Variants in IL1RN observed in about 807,000 individuals in gnomAD.
IL1RN encodes interleukin-1 receptor antagonist protein.
In IL1RN, 10 loss-of-function variants were observed where a neutral mutation model predicts 13.7. The observed-to-expected ratio is 0.73, with a 90% CI of 0.45 to 1.24. IL1RN has a LOEUF of 1.24. Ranked by LOEUF, IL1RN falls within the 50% of genes most tolerant of loss-of-function variation. The pLI, the probability that IL1RN is intolerant of heterozygous loss-of-function variation, is 0.00. For synonymous variants in IL1RN, 102 were observed against 82.7 expected (o/e 1.23, Z -1.27); for missense variants, 213 against 222.1 (o/e 0.96, Z 0.26).
chr2:113,131,424 G>A (rs1277068818), intron 3 of IL1RN, among the ~76,000 whole-genome samples: 1 of 152,142 alleles, frequency 6.6e-6, no homozygotes, highest in Non-Finnish European at 1.5e-5. Flanking sequence ...TTACAGCATG[G>A]CGGCTGACTT....
At chr2:113,104,657 A>C (rs1426199173), upstream of IL1RN, among the ~76,000 whole-genome samples, 4 of 152,128 alleles carry the variant, frequency 2.6e-5, no homozygotes. Flanking sequence ...GTAGTCAAAG[A>C]CTTTGGTCTT....
chr2:113,131,853 G>C (rs315955), intron 3 of IL1RN, among the ~76,000 whole-genome samples: 148,275 of 152,248 alleles, frequency 0.97, 72,334 homozygotes, highest in East Asian at 1. Context: ...CTGGATGCAA[G>C]CTTAACCTCA....
chr2:113,131,331 G>T (rs551573323), intron 3 of IL1RN, among the ~76,000 whole-genome samples, 174 bp downstream of exon 3: 2 of 152,204 alleles, frequency 1.3e-5, no homozygotes, highest in South Asian at 2.1e-4. Flanking sequence ...CCTGGCTTGC[G>T]CTGGGCATCC....
chr2:113,131,675 G>T (rs1687176948), intron 3 of IL1RN, among the ~76,000 whole-genome samples: 1 of 151,998 alleles, frequency 6.6e-6, no homozygotes. Context: ...TACCCACGCA[G>T]ACCTGCTGTC....
rs1047801643 is a variant in IL1RN at position 113,121,733 on chromosome 2, T to C, written c.73+1605T>C. On this transcript the variant is annotated intron_variant, in intron 2 of 5. Coordinates refer to the IL1RN transcript ENST00000259206. ...AGGAGAGCAGAGGTGGTCACCCTGA[T>C]AGCAGCAAGCCTGGGGGCTGCAGCT... 2.2e-4 allele frequency: 103 copies of C among 461,956 alleles called. 1 individual carries two copies. Among genetic ancestry groups the C allele is most frequent in the Non-Finnish European group, 2.6e-4 (92 of 351,744 alleles). 28.6% of individuals were successfully genotyped at this position (461,956 alleles called of 1,614,324 possible). A position where few individuals can be genotyped will look rare whatever the true frequency, so the allele number is the denominator to read the frequency against.
At chr2:113,108,426 C>T (rs1219412885), upstream of IL1RN, among the ~76,000 whole-genome samples, 1 of 149,632 alleles carries the variant, frequency 6.7e-6, no homozygotes, top group African/African-American at 2.5e-5. Context: ...CACCCCACAA[C>T]AGTCCCCAGT....
At chr2:113,102,502 T>C (rs1686329378), upstream of IL1RN, among the ~76,000 whole-genome samples, 2 of 152,170 alleles carry the variant, frequency 1.3e-5, no homozygotes, top group South Asian at 4.1e-4. Context: ...GGGAAGCCTG[T>C]AGGCATGGGA....
chr2:113,105,553 T>C (rs1420393567), upstream of IL1RN, among the ~76,000 whole-genome samples: 3 of 152,222 alleles, frequency 2.0e-5, no homozygotes, highest in African/African-American at 7.2e-5. Flanking sequence ...CTCAGAACTT[T>C]TTTATAATTG....
rs527800909 is a variant in IL1RN, at chr2:113,132,372, C to G, written c.319-284C>G. Among the ~76,000 whole-genome samples the G allele has an allele frequency of 1.4e-4, 21 of 152,280 alleles. No homozygotes were observed. The South Asian group carries it at 4.4e-3, about 32-fold the overall frequency. On this transcript the variant is annotated intron_variant, in intron 3 of 3. Transcript: ENST00000409930. ...CTGAGGCAGGAGAATCGCTTGAACC[C>G]AGGAGGTGGAGGTTGCAGTGAGCCG...
At chr2:113,109,864 C>T (rs1238543876), upstream of IL1RN, among the ~76,000 whole-genome samples, 4 of 151,962 alleles carry the variant, frequency 2.6e-5, no homozygotes, top group South Asian at 4.1e-4. Context: ...ACAAACTTTA[C>T]CCATATGACC....
At chr2:113,117,912 G>A in exon 1 of IL1RN, 5 of 791,656 alleles carry the variant, frequency 6.3e-6, no homozygotes, top group Non-Finnish European at 7.0e-6. Flanking sequence ...CACCCTGGGA[G>A]GGACTGTGGC....
intron 2 of IL1RN, among the ~76,000 whole-genome samples, chr2:113,130,363 C>T (rs1192859927): frequency 6.6e-6 from 1 of 152,218 alleles, no homozygotes; most frequent in Non-Finnish European, 1.5e-5. Context: ...CTAATGAACA[C>T]ACTGAAGCAC....
chr2:113,124,806 G>A (rs914991702), upstream of IL1RN, among the ~76,000 whole-genome samples: 3 of 152,168 alleles, frequency 2.0e-5, no homozygotes, highest in East Asian at 1.9e-4. Context: ...CATAACTCCT[G>A]CCCCAGGGAC....
At chr2:113,117,727 C>A (rs1343292414), upstream of IL1RN, 2 of 568,984 alleles carry the variant, frequency 3.5e-6, no homozygotes, top group East Asian at 2.9e-5. Flanking sequence ...CAGATAAGAA[C>A]CAGTTTGGTT....
upstream of IL1RN, among the ~76,000 whole-genome samples, chr2:113,123,120 C>A (rs1216197147): frequency 6.6e-6 from 1 of 152,164 alleles, no homozygotes; most frequent in East Asian, 1.9e-4. Flanking sequence ...AGCGAAACTC[C>A]ATCTCAAAAA....
chr2:113,132,966 G>A lies in IL1RN; in HGVS notation c.*95G>A, dbSNP rs1687229153. ...CAGGGCTCCCGGCTATGGGGGCACT[G>A]AGGACCAGCCATTGAGGGGTGGACC... is the stretch of plus-strand genomic sequence containing the variant. On this transcript the variant is annotated 3_prime_UTR_variant, in exon 4 of 4. Coordinates refer to ENST00000409930, the MANE Select transcript of IL1RN (RefSeq NM_173842.3). 1 of 1,205,828 alleles carries A rather than the reference G, an allele frequency of 8.3e-7. No homozygotes were observed. The highest frequency in any genetic ancestry group is 2.4e-5 in the East Asian group (1 of 42,356). 74.7% of individuals were successfully genotyped at this position (1,205,828 alleles called of 1,614,324 possible).
upstream of IL1RN, among the ~76,000 whole-genome samples, chr2:113,124,039 C>CTA (rs1686870270): frequency 6.6e-6 from 1 of 152,180 alleles, no homozygotes; most frequent in South Asian, 2.1e-4. Context: ...CCTGGTTTCC[C>CTA]TATCTCTCTG....
At chr2:113,104,448 C>T (rs2104417216), upstream of IL1RN, among the ~76,000 whole-genome samples, 1 of 152,240 alleles carries the variant, frequency 6.6e-6, no homozygotes, top group African/African-American at 2.4e-5. Context: ...TCTGACTCCT[C>T]CTGCCCCCAC....
chr2:113,101,308 A>T, the IL1RN span, among the ~76,000 whole-genome samples: 1 of 152,162 alleles, frequency 6.6e-6, no homozygotes. Flanking sequence ...CTGTGGGAAG[A>T]GGCATTCACA....
Sources: gnomAD v4.1 joint callset for allele counts (sites outside exome capture counted in the v4.1 genomes callset) on GRCh38, gnomAD v4.1.1 for gene constraint, MANE v1.5 for transcripts, NCBI Gene and HGNC (gene_info 2026-07-23, HGNC 2026-07-21) for gene names.